MIA2: variants seen among roughly 807,000 people sequenced by gnomAD.
The protein encoded by MIA2 is MIA SH3 domain ER export factor 2.
MIA2 carries 127 observed loss-of-function variants against 167.8 expected under a neutral mutation model. That is an observed-to-expected ratio of 0.76 (90% CI 0.66 to 0.88). The LOEUF (loss-of-function observed/expected upper bound fraction) is 0.88. Among genes scored for constraint, MIA2 ranks in the 40% least tolerant of loss-of-function variants. The pLI is 0.00. For synonymous variants in MIA2, 552 were observed against 541.9 expected, an observed-to-expected ratio of 1.02 and a Z score of -0.26; for missense variants, 1,690 against 1,624.7, an observed-to-expected ratio of 1.04 and a Z score of -0.69.
Position 39,326,997 on chromosome 14 carries a change from C to T in MIA2, c.3630C>T (p.Asp1210=). 1 of 1,539,184 alleles carries T rather than the reference C, an allele frequency of 6.5e-7. No homozygotes were observed. Among genetic ancestry groups the T allele is most frequent in the Non-Finnish European group, 8.7e-7 (1 of 1,149,524 alleles). Residue 1210 remains aspartate (D), a synonymous_variant, in exon 25 of 29, where the codon GAC becomes GAT. Coordinates refer to ENST00000640607, the MANE Select transcript of MIA2 (RefSeq NM_001329214.4). ...TGSLSPPWDQ[D]RRMMFPPPGQ... ...CTCTGTCACCTCCATGGGACCAGGA[C>T]CGTAGGATGATGTTTCCTCCGCCAG... is the stretch of plus-strand genomic sequence containing the variant.
chr14:39,383,867 C>T (rs1361446023), intron 23 of MIA2, among the ~76,000 whole-genome samples: 1 of 152,144 alleles, frequency 6.6e-6, no homozygotes, highest in Non-Finnish European at 1.5e-5. Context: ...GAGGAAGCTG[C>T]AGGAGAAAAG....
chr14:39,261,034 C>A (rs2055079621), intron 6 of MIA2, among the ~76,000 whole-genome samples: 1 of 151,778 alleles, frequency 6.6e-6, no homozygotes. Context: ...TACATGTGCA[C>A]AACATGCAGG....
At chr14:39,375,774 T>C (rs572254885) in intron 23 of MIA2, among the ~76,000 whole-genome samples, 1 of 152,316 alleles carries the variant, frequency 6.6e-6, no homozygotes, top group South Asian at 2.1e-4. Context: ...AATTAATATT[T>C]TGTTATTGCT....
intron 23 of MIA2, among the ~76,000 whole-genome samples, chr14:39,363,553 TTG>T (rs1394835920): frequency 6.6e-6 from 1 of 152,126 alleles, no homozygotes; most frequent in African/African-American, 2.4e-5. Context: ...TGATGTTTCT[TTG>T]TTAATTTTCT....
At chr14:39,273,641 T>A (rs2057507316) in intron 6 of MIA2, among the ~76,000 whole-genome samples, 1 of 152,204 alleles carries the variant, frequency 6.6e-6, no homozygotes, top group African/African-American at 2.4e-5. Flanking sequence ...TTCATAAGAT[T>A]ATTGTATGTT....
intron 25 of MIA2, among the ~76,000 whole-genome samples, chr14:39,334,692 G>A (rs1345991960): frequency 6.6e-6 from 1 of 150,858 alleles, no homozygotes; most frequent in African/African-American, 2.4e-5. Flanking sequence ...TCATCCTCCC[G>A]AGTACCCGGG....
chr14:39,309,132 A>G (rs2063803712), intron 18 of MIA2, among the ~76,000 whole-genome samples: 1 of 152,112 alleles, frequency 6.6e-6, no homozygotes, highest in Non-Finnish European at 1.5e-5. Flanking sequence ...ACCATCTTCC[A>G]TATTAGTCTA....
chr14:39,284,010 C>T (rs976687396), intron 9 of MIA2, among the ~76,000 whole-genome samples: 1 of 151,974 alleles, frequency 6.6e-6, no homozygotes, highest in Admixed American at 6.5e-5. Flanking sequence ...CTCAAAGGAA[C>T]TTTCATTTTA....
intron 16 of MIA2, 47 bp from the exon 17 acceptor site, chr14:39,304,244 T>G (rs2062966805): frequency 1.2e-6 from 1 of 869,078 alleles, no homozygotes; most frequent in Non-Finnish European, 1.8e-6. Flanking sequence ...TTTATTTTTT[T>G]GTATAACTGA....
chr14:39,264,460 A>G (rs1322945332), intron 6 of MIA2, among the ~76,000 whole-genome samples: 1 of 152,210 alleles, frequency 6.6e-6, no homozygotes, highest in Admixed American at 6.5e-5. Context: ...GTATATACCC[A>G]GTAATGACAT....
At position 39,320,993 on chromosome 14, in the gene MIA2, C is replaced by T; in HGVS notation, c.3433C>T (p.Pro1145Ser). The change falls in exon 24 of 29, where the codon CCT becomes TCT. Residue 1145 changes from proline (P) to serine (S), a missense_variant. By Grantham distance (74) the Pro-to-Ser change is moderately conservative (BLOSUM62 -1). Coordinates refer to ENST00000640607, the MANE Select transcript of MIA2 (RefSeq NM_001329214.4). ...PSSETRAFLS[P>S]PTLLEGPLRL... ...ATCTGAAACAAGAGCTTTTCTCTCT[C>T]CTCCAACTTTGTTGGAGGGTCCACT... 1 of 1,613,754 alleles carries T rather than the reference C, an allele frequency of 6.2e-7. No homozygotes were observed. The highest frequency in any genetic ancestry group is 8.5e-7 in the Non-Finnish European group (1 of 1,179,718).
In MIA2 at chr14:39,327,016, C is replaced by A; in HGVS notation, c.3649C>A (p.Pro1217Thr). 1 of 1,519,674 alleles carries A rather than the reference C, an allele frequency of 6.6e-7. No homozygotes were observed. Among genetic ancestry groups the A allele is most frequent in the Admixed American group, 2.3e-5 (1 of 43,260 alleles). The allele number at this position is 1,519,674 out of a possible 1,614,324, so 94.1% of individuals were successfully genotyped here. A position where few individuals can be genotyped will look rare whatever the true frequency, so the allele number is the denominator to read the frequency against. The change falls in exon 25 of 29, where the codon CCG becomes ACG. Residue 1217 changes from proline to threonine, a missense_variant. Pro to Thr is a conservative substitution (Grantham distance 38). Transcript: ENST00000640607. ...CCAGGACCGTAGGATGATGTTTCCT[C>A]CGCCAGGTATGTAAAGACAATAGTT... Reference protein sequence around the residue: ...WDQDRRMMFPPPGQSYPDSAL... With the variant: ...WDQDRRMMFPTPGQSYPDSAL...
chr14:39,351,770 G>A (rs530723931), downstream of MIA2, among the ~76,000 whole-genome samples: 2 of 152,188 alleles, frequency 1.3e-5, no homozygotes, highest in Admixed American at 6.5e-5. Context: ...CACATCTGGC[G>A]AATTTTTTTT....
At chr14:39,364,450 TG>T (rs1172022723) in intron 23 of MIA2, among the ~76,000 whole-genome samples, 133 of 151,960 alleles carry the variant, frequency 8.8e-4, no homozygotes, top group African/African-American at 2.8e-3. Context: ...TTTTTTGTTT[TG>T]TTTTTTTTTG....
intron 19 of MIA2, 78 bp downstream of exon 19, chr14:39,313,519 A>G: frequency 1.3e-6 from 1 of 771,136 alleles, no homozygotes; most frequent in Non-Finnish European, 2.1e-6. Flanking sequence ...AAAATAATAA[A>G]TCAAATGAAA....
intron 6 of MIA2, among the ~76,000 whole-genome samples, chr14:39,273,160 G>C (rs1310716018): frequency 6.6e-6 from 1 of 150,662 alleles, no homozygotes; most frequent in Non-Finnish European, 1.5e-5. Flanking sequence ...TAATTGCTCT[G>C]GCTAGAACCT....
chr14:39,304,279 CCTT>C lies in MIA2; in HGVS notation c.2788-8_2788-6del. 1.6e-6 allele frequency: 2 copies of C among 1,261,840 alleles called. No individual in the cohort carries two copies. Among genetic ancestry groups the C allele is most frequent in the Non-Finnish European group, 2.2e-6 (2 of 903,848 alleles). 78.2% of individuals were successfully genotyped at this position (1,261,840 alleles called of 1,614,324 possible). A position where few individuals can be genotyped will look rare whatever the true frequency, so the allele number is the denominator to read the frequency against. On this transcript the variant is annotated splice_polypyrimidine_tract_variant and intron_variant, in intron 16 of 28. Transcript: ENST00000640607. ...ATTAATGTTACTTTTTTCCTTCTTCCCTTCTTTAAAGTTAAATGCTTCTTTAAA... is the reference window on the plus strand; with the variant it reads ...ATTAATGTTACTTTTTTCCTTCTTCCCTTTAAAGTTAAATGCTTCTTTAAA...
intron 24 of MIA2, among the ~76,000 whole-genome samples, chr14:39,324,955 G>A (rs529602490): frequency 6.6e-6 from 1 of 152,276 alleles, no homozygotes; most frequent in Non-Finnish European, 1.5e-5. Context: ...GGGTGCAGTG[G>A]CTTACAACTA....
At chr14:39,343,452 T>C (rs1245179880) in intron 25 of MIA2, among the ~76,000 whole-genome samples, 2 of 152,252 alleles carry the variant, frequency 1.3e-5, no homozygotes, top group East Asian at 3.9e-4. Flanking sequence ...CGGCCTGTTT[T>C]TGGTTTTAAT....
Sources: allele counts gnomAD v4.1 joint callset (sites outside exome capture counted in the v4.1 genomes callset), GRCh38; gene constraint gnomAD v4.1.1; transcripts MANE v1.5; gene names NCBI Gene and HGNC (gene_info 2026-07-23, HGNC 2026-07-21).